The following CYLC2 variants were observed in gnomAD, a reference collection of about 807,000 sequenced individuals.
CYLC2 encodes the protein cylicin 2.
Under a neutral mutation model 26.1 loss-of-function variants are expected in CYLC2, and 30 were observed. That is an observed-to-expected ratio of 1.15 (90% CI 0.86 to 1.56). CYLC2 has a LOEUF of 1.56. CYLC2 is among the 40% of genes most tolerant of loss of function. The pLI is 0.00. For synonymous variants in CYLC2, 158 were observed against 132.8 expected (o/e 1.19, Z -1.31); for missense variants, 498 against 394.4 (o/e 1.26, Z -2.23).
chr9:103,013,186 T>TTATATAAATATATATTTAA (rs1554713520), intron 6 of CYLC2, among the ~76,000 whole-genome samples: 3,229 of 131,618 alleles, frequency 0.025, 75 homozygotes, highest in Middle Eastern at 0.043. Flanking sequence ...ATTTAATATA[T>TTATATAAATATATATTTAA]TATATATAAC....
rs761287836 is a variant in CYLC2, at chr9:103,005,195, TAAC to T, written c.567_569del (p.Asn189del). ...ATGAAAAAGGAGGTGCAAAGAAAGATAACAAAAAAGATAAAAAGGATTCAAACA... is the reference window on the plus strand; with the variant it reads ...ATGAAAAAGGAGGTGCAAAGAAAGATAAAAAAGATAAAAAGGATTCAAACA... On this transcript the variant is annotated inframe_deletion, in exon 5 of 8. Coordinates refer to ENST00000374798, the MANE Select transcript of CYLC2 (RefSeq NM_001340.5). The T allele has an allele frequency of 6.2e-6, 10 of 1,605,042 alleles. No individual in the cohort carries two copies. The African/African-American group carries it at 1.2e-4, about 20-fold the overall frequency.
At chr9:103,011,293 C>T (rs752869386) in intron 5 of CYLC2, among the ~76,000 whole-genome samples, 1 of 152,098 alleles carries the variant, frequency 6.6e-6, no homozygotes, top group Non-Finnish European at 1.5e-5. Context: ...TACCCCCCTT[C>T]ATTTTGTTTA....
At chr9:102,998,857 T>C (rs1265676670) in intron 1 of CYLC2, among the ~76,000 whole-genome samples, 2 of 151,938 alleles carry the variant, frequency 1.3e-5, no homozygotes, top group African/African-American at 2.4e-5. Flanking sequence ...TAAAATTATA[T>C]TGTGTATGTG....
intron 5 of CYLC2, among the ~76,000 whole-genome samples, chr9:103,009,072 A>G (rs976536506): frequency 6.6e-6 from 1 of 152,172 alleles, no homozygotes; most frequent in African/African-American, 2.4e-5. Context: ...ATTTTACCAC[A>G]TGTAACCTTA....
Position 103,005,771 on chromosome 9 carries a change from A to G in CYLC2, c.*93A>G, listed in dbSNP as rs1829341016. The G allele has an allele frequency of 7.5e-7, 1 of 1,330,860 alleles. No individual in the cohort carries two copies. Among genetic ancestry groups the G allele is most frequent in the African/African-American group, 1.5e-5 (1 of 67,832 alleles). 82.4% of individuals were successfully genotyped at this position (1,330,860 alleles called of 1,614,324 possible). ...CTGCAGCTGAATTTGTGAGAAAACAAGAGGCCTCAAAGAATTAAATAATTT... is the reference window on the plus strand; with the variant it reads ...CTGCAGCTGAATTTGTGAGAAAACAGGAGGCCTCAAAGAATTAAATAATTT... On this transcript the variant is annotated 3_prime_UTR_variant, in exon 5 of 8. Coordinates refer to ENST00000374798, the MANE Select transcript of CYLC2 (RefSeq NM_001340.5).
intron 3 of CYLC2, among the ~76,000 whole-genome samples, chr9:103,003,832 C>T (rs1829313093): frequency 6.6e-6 from 1 of 152,040 alleles, no homozygotes. Context: ...ACCTTTAATA[C>T]TTCCTCAGTT....
intron 6 of CYLC2, among the ~76,000 whole-genome samples, chr9:103,014,475 A>AAC (rs1829466933): frequency 7.2e-6 from 1 of 139,112 alleles, no homozygotes; most frequent in Non-Finnish European, 1.5e-5. Flanking sequence ...TAATATACAT[A>AAC]ATATGTATAT....
At chr9:103,017,483 C>A (rs1272248530) in intron 7 of CYLC2, among the ~76,000 whole-genome samples, 1 of 151,942 alleles carries the variant, frequency 6.6e-6, no homozygotes, top group African/African-American at 2.4e-5. Flanking sequence ...ATAAATTGAT[C>A]TGAAATAAAG....
chr9:103,002,344 T>C (rs913890787), intron 2 of CYLC2, among the ~76,000 whole-genome samples: 2 of 149,570 alleles, frequency 1.3e-5, no homozygotes, highest in African/African-American at 2.5e-5. Flanking sequence ...CTTGGGTGTA[T>C]AGCATTTGCC....
chr9:102,995,748 A>AT lies in CYLC2; in HGVS notation c.17+357dup, dbSNP rs144916828. On this transcript the variant is annotated intron_variant, in intron 1 of 7. Transcript: ENST00000374798. ...AACCACCTTGGAAATTTCTGTGAAT[A>AT]TTTTTTGTGTATGTAATAGTGACTG... is the stretch of plus-strand genomic sequence containing the variant. Among the ~76,000 whole-genome samples, 971 of 151,904 alleles carry AT rather than the reference A, an allele frequency of 6.4e-3. 61 individuals are homozygous for AT. In the East Asian group the frequency reaches 0.16, roughly 24 times the overall value.
Position 103,005,672 on chromosome 9 carries a change from C to A in CYLC2, c.1041C>A (p.Gly347=). 2 of 1,604,606 alleles carry A rather than the reference C, an allele frequency of 1.2e-6. No homozygotes were observed. ...AAAAGAAGGATGCAAAGAAGAAGGG[C>A]AAGTAGGCCTTGGATAAGAATTTGA... ...KDEKKDAKKK[G]K Residue 347 remains glycine (G), a synonymous_variant, in exon 5 of 8, where the codon GGC becomes GGA. Transcript: ENST00000374798.
intron 1 of CYLC2, among the ~76,000 whole-genome samples, chr9:103,001,225 C>G (rs541856365): frequency 6.6e-6 from 1 of 151,622 alleles, no homozygotes; most frequent in South Asian, 2.1e-4. Flanking sequence ...AAAAATAATT[C>G]AACTGTGTTT....
At chr9:103,013,681 G>T (rs1587855544) in intron 6 of CYLC2, among the ~76,000 whole-genome samples, 2 of 106,076 alleles carry the variant, frequency 1.9e-5, no homozygotes. Context: ...TAATATATAT[G>T]ATATATAATA....
rs16922390 is a variant in CYLC2 at position 103,005,890 on chromosome 9, A to T, written c.*212A>T. 9.8e-3 allele frequency: 5,168 copies of T among 527,510 alleles called. 233 individuals carry two copies. Among genetic ancestry groups the T allele is most frequent in the African/African-American group, 0.086 (4,455 of 51,820 alleles). The allele number at this position is 527,510 out of a possible 1,614,324, so 32.7% of individuals were successfully genotyped here. On this transcript the variant is annotated 3_prime_UTR_variant, in exon 5 of 8. Coordinates refer to ENST00000374798, the MANE Select transcript of CYLC2 (RefSeq NM_001340.5). ...GTTAAGAAAAATTAAGGGGGGATCCATTGAAAGACTTGAAGAATACATATA... is the reference window on the plus strand; with the variant it reads ...GTTAAGAAAAATTAAGGGGGGATCCTTTGAAAGACTTGAAGAATACATATA...
chr9:102,998,024 A>C (rs1027256596), intron 1 of CYLC2, among the ~76,000 whole-genome samples: 3 of 151,934 alleles, frequency 2.0e-5, no homozygotes, highest in African/African-American at 7.2e-5. Context: ...TATATTCTAC[A>C]TTGTTGACAA....
At chr9:103,014,344 T>C (rs1283941787) in intron 6 of CYLC2, among the ~76,000 whole-genome samples, 1 of 136,658 alleles carries the variant, frequency 7.3e-6, no homozygotes, top group Non-Finnish European at 1.5e-5. Context: ...ATAATATGTA[T>C]ATATTACCTA....
intron 6 of CYLC2, among the ~76,000 whole-genome samples, chr9:103,013,998 GTTATA>G (rs1397136024): frequency 2.0e-4 from 20 of 99,642 alleles, no homozygotes; most frequent in Admixed American, 1.9e-3. Flanking sequence ...TGATATTACA[GTTATA>G]TTATAATATA....
chr9:103,008,249 T>C (rs189326095), intron 5 of CYLC2, among the ~76,000 whole-genome samples: 49 of 152,258 alleles, frequency 3.2e-4, no homozygotes, highest in Non-Finnish European at 4.9e-4. Context: ...ATTGAGCTTC[T>C]ACCTTTAATA....
At chr9:103,014,233 A>C (rs1461253307) in intron 6 of CYLC2, among the ~76,000 whole-genome samples, 1 of 124,044 alleles carries the variant, frequency 8.1e-6, no homozygotes, top group South Asian at 2.4e-4. Flanking sequence ...TATATAATAT[A>C]TATGTATGTA....
Sources: gnomAD v4.1 joint callset for allele counts (sites outside exome capture counted in the v4.1 genomes callset) on GRCh38, gnomAD v4.1.1 for gene constraint, MANE v1.5 for transcripts, NCBI Gene and HGNC (gene_info 2026-07-23, HGNC 2026-07-21) for gene names.